EPM2A: variants seen among roughly 807,000 people sequenced by gnomAD.
EPM2A encodes the protein EPM2A glucan phosphatase, laforin, also known as laforin.
Under a neutral mutation model 26.5 loss-of-function variants are expected in EPM2A, and 21 were observed. The observed-to-expected ratio is 0.79, with a 90% CI of 0.56 to 1.14. The LOEUF (loss-of-function observed/expected upper bound fraction) is 1.14. EPM2A is among the 50% of genes most tolerant of loss of function. The pLI is 0.00. For synonymous variants in EPM2A, 217 were observed against 177.6 expected, an observed-to-expected ratio of 1.22 and a Z score of -1.76; for missense variants, 458 against 440.8, an observed-to-expected ratio of 1.04 and a Z score of -0.35.
In EPM2A at chr6:145,625,446, A is replaced by G. The variant is rs117055625; in HGVS notation, c.*1970T>C. ...TGATTTTGTCTATCAGAGCAAAAGG[A>G]ACAAAGGTAAAAATCCACCTGAAAA... On this transcript the variant is annotated 3_prime_UTR_variant, in exon 4 of 4. Transcript: ENST00000367519. 5,832 of 489,442 alleles carry G rather than the reference A, an allele frequency of 0.012. 52 individuals carry two copies. The highest frequency in any genetic ancestry group is 0.018 in the Admixed American group (533 of 29,756). 30.3% of individuals were successfully genotyped at this position (489,442 alleles called of 1,614,324 possible). A position where few individuals can be genotyped will look rare whatever the true frequency, so the allele number is the denominator to read the frequency against.
In EPM2A at chr6:145,735,141, G is replaced by A. The variant is rs1038400656; in HGVS notation, c.301+57C>T. On this transcript the variant is annotated intron_variant, in intron 1 of 3. Transcript: ENST00000367519. ...CCTGCCCGAGGCCGAGGCCCCGGTT[G>A]GGGGTGCGGGCCGGAGCTCCCGCTC... 8 of 1,340,290 alleles carry A rather than the reference G, an allele frequency of 6.0e-6. No homozygotes were observed. In the Admixed American group the frequency reaches 1.2e-4, roughly 20 times the overall value. 83.0% of individuals were successfully genotyped at this position (1,340,290 alleles called of 1,614,324 possible). A position where few individuals can be genotyped will look rare whatever the true frequency, so the allele number is the denominator to read the frequency against.
chr6:145,624,066 G>A (rs1416731073), downstream of EPM2A, among the ~76,000 whole-genome samples: 8 of 152,140 alleles, frequency 5.3e-5, no homozygotes, highest in African/African-American at 1.9e-4. Flanking sequence ...TATAATGAGG[G>A]TAGTGTCATC....
chr6:145,605,002 C>T (rs1775199190), intron 2 of EPM2A, among the ~76,000 whole-genome samples: 1 of 152,146 alleles, frequency 6.6e-6, no homozygotes, highest in Non-Finnish European at 1.5e-5. Context: ...AAAGATCACC[C>T]TGCCTAGACT....
chr6:145,673,936 G>A (rs529110097), intron 2 of EPM2A, among the ~76,000 whole-genome samples: 10 of 152,188 alleles, frequency 6.6e-5, no homozygotes, highest in Non-Finnish European at 1.0e-4. Context: ...GGTTCTCCCA[G>A]CAGTGGTTCT....
At chr6:145,586,148 T>C (rs1371547513) in intron 2 of EPM2A, among the ~76,000 whole-genome samples, 2 of 152,184 alleles carry the variant, frequency 1.3e-5, no homozygotes, top group Non-Finnish European at 1.5e-5. Context: ...CTAGAAACTC[T>C]CTTAAATTGG....
chr6:145,436,334 T>C (rs1778988170), intron 4 of EPM2A, among the ~76,000 whole-genome samples: 1 of 152,362 alleles, frequency 6.6e-6, no homozygotes, highest in Middle Eastern at 3.4e-3. Flanking sequence ...GAACGTATCT[T>C]TTCAATTCCC....
chr6:145,539,621 T>C (rs2114792754), intron 2 of EPM2A, among the ~76,000 whole-genome samples: 1 of 152,310 alleles, frequency 6.6e-6, no homozygotes, highest in Non-Finnish European at 1.5e-5. Flanking sequence ...ACCAAAACTC[T>C]CACTGTGATT....
chr6:145,578,564 G>A lies in EPM2A; in HGVS notation c.340+56681C>T, dbSNP rs192865118. 4.3e-3 allele frequency among the ~76,000 whole-genome samples: 657 copies of A among 152,132 alleles called. 5 individuals carry two copies. Among genetic ancestry groups the A allele is most frequent in the African/African-American group, 0.014 (568 of 41,508 alleles). ...TAATAACAAACAGTTTCCCATCAAC[G>A]AAAAGTCCAAGACCTTATGGGTTCA... On this transcript the variant is annotated intron_variant, in intron 2 of 3. Transcript: ENST00000450221.
chr6:145,481,835 T>G (rs1391430771), intron 4 of EPM2A, among the ~76,000 whole-genome samples: 1 of 152,138 alleles, frequency 6.6e-6, no homozygotes. Flanking sequence ...GTACATATAG[T>G]CTCTAGGTTG....
chr6:145,682,023 C>T (rs192323739), intron 2 of EPM2A, among the ~76,000 whole-genome samples: 11 of 152,210 alleles, frequency 7.2e-5, no homozygotes, highest in Admixed American at 5.9e-4. Flanking sequence ...TGTACACTTG[C>T]TATTTGCATT....
chr6:145,663,552 A>G (rs1470549997), intron 2 of EPM2A, among the ~76,000 whole-genome samples: 1 of 152,166 alleles, frequency 6.6e-6, no homozygotes, highest in East Asian at 1.9e-4. Context: ...TGTACCTGAA[A>G]GTGATGCGGA....
In EPM2A at chr6:145,625,746, T is replaced by A. The variant is rs746676936; in HGVS notation, c.*1670A>T. ...CTGCCTCTGCCCAAAGCAAATGTCA[T>A]CTCCCCTAAGTGCCACAGTTCTATC... is the stretch of plus-strand genomic sequence containing the variant. On this transcript the variant is annotated 3_prime_UTR_variant, in exon 4 of 4. Transcript: ENST00000367519. 4 of 992,230 alleles carry A rather than the reference T, an allele frequency of 4.0e-6. No homozygotes were observed. The highest frequency in any genetic ancestry group is 3.4e-5 in the Admixed American group (2 of 58,566). The allele number at this position is 992,230 out of a possible 1,614,324, so 61.5% of individuals were successfully genotyped here.
Position 145,409,561 on chromosome 6 carries a change from G to A in EPM2A, c.556-25464C>T, listed in dbSNP as rs535972157. Among the ~76,000 whole-genome samples, 22 of 152,258 alleles carry A rather than the reference G, an allele frequency of 1.4e-4. No homozygotes were observed. The South Asian group carries it at 4.4e-3, about 30-fold the overall frequency. ...GAGGAGCTTGCAATGTAGATGGGGAGCAAATTATACACCACTATTTTTTCT... is the reference window on the plus strand; with the variant it reads ...GAGGAGCTTGCAATGTAGATGGGGAACAAATTATACACCACTATTTTTTCT... On this transcript the variant is annotated intron_variant, in intron 4 of 4. Coordinates refer to the EPM2A transcript ENST00000638717.
chr6:145,630,292 A>T (rs1776151633), intron 3 of EPM2A: 1 of 152,192 alleles, frequency 6.6e-6, no homozygotes, highest in African/African-American at 2.4e-5. Flanking sequence ...GCAAATGTTT[A>T]ATCAACATAA....
chr6:145,708,836 G>A lies in EPM2A; in HGVS notation c.302-22540C>T, dbSNP rs7749919. Among the ~76,000 whole-genome samples the A allele has an allele frequency of 8.0e-3, 1,221 of 152,328 alleles. 16 individuals are homozygous for A. The highest frequency in any genetic ancestry group is 0.028 in the African/African-American group (1,168 of 41,576). ...GATTCACCAACAGCTTGCACTGTGT[G>A]CCTAGAAAAGACACAGACACTCAAC... On this transcript the variant is annotated intron_variant, in intron 1 of 3. Transcript: ENST00000367519.
chr6:145,411,577 T>A (rs1486554179), intron 4 of EPM2A, among the ~76,000 whole-genome samples: 3 of 150,596 alleles, frequency 2.0e-5, no homozygotes, highest in African/African-American at 4.9e-5. Context: ...AAAAAAAAAA[T>A]TAGAATGTAA....
intron 2 of EPM2A, among the ~76,000 whole-genome samples, chr6:145,521,227 G>A (rs140618077): frequency 2.6e-5 from 4 of 152,258 alleles, no homozygotes; most frequent in East Asian, 1.9e-4. Context: ...AAGTTTTCAC[G>A]TAAATTCTCC....
intron 1 of EPM2A, among the ~76,000 whole-genome samples, chr6:145,725,947 C>T (rs1256390047): frequency 6.6e-6 from 1 of 151,876 alleles, no homozygotes; most frequent in Non-Finnish European, 1.5e-5. Context: ...TTTGTTTTGC[C>T]AGCTAAGAAG....
intron 2 of EPM2A, among the ~76,000 whole-genome samples, chr6:145,542,351 A>T (rs1302420390): frequency 6.6e-6 from 1 of 152,192 alleles, no homozygotes; most frequent in Non-Finnish European, 1.5e-5. Flanking sequence ...TTCCTGGTGG[A>T]CAAGTGGATT....
Sources: allele counts gnomAD v4.1 joint callset (sites outside exome capture counted in the v4.1 genomes callset), GRCh38; gene constraint gnomAD v4.1.1; transcripts MANE v1.5; gene names NCBI Gene and HGNC (gene_info 2026-07-23, HGNC 2026-07-21).